The following PCNX1 variants were observed in gnomAD, a reference collection of about 807,000 sequenced individuals.
The protein encoded by PCNX1 is pecanex 1.
A neutral mutation model predicts 242.2 loss-of-function variants in PCNX1; 78 were observed. The observed-to-expected ratio is 0.32, with a 90% CI of 0.27 to 0.39. PCNX1 has a LOEUF of 0.39. PCNX1 is among the 10% of genes least tolerant of loss of function. PCNX1 has a pLI of 1.00. For missense variants in PCNX1, 2,581 were observed against 2,856.5 expected, an observed-to-expected ratio of 0.90 and a Z score of 2.20; for synonymous variants, 1,024 against 1,032.9, an observed-to-expected ratio of 0.99 and a Z score of 0.17.
At chr14:71,100,029 C>G (rs2062420834) in intron 30 of PCNX1, among the ~76,000 whole-genome samples, 1 of 151,838 alleles carries the variant, frequency 6.6e-6, no homozygotes, top group African/African-American at 2.4e-5. Flanking sequence ...CCTTGCAACT[C>G]TGTGTCTTTT....
chr14:70,993,662 T>C (rs1276626018), intron 7 of PCNX1, among the ~76,000 whole-genome samples: 2 of 152,222 alleles, frequency 1.3e-5, no homozygotes, highest in Admixed American at 6.5e-5. Context: ...AGCTGCCATA[T>C]GGCAACTTGG....
At chr14:71,038,576 G>T (rs1214518247) in intron 19 of PCNX1, among the ~76,000 whole-genome samples, 1 of 151,872 alleles carries the variant, frequency 6.6e-6, no homozygotes, top group Non-Finnish European at 1.5e-5. Flanking sequence ...CAGGAAACAG[G>T]TGCTGGAGAG....
intron 26 of PCNX1, among the ~76,000 whole-genome samples, chr14:71,067,690 G>T (rs932630220): frequency 6.6e-6 from 1 of 152,018 alleles, no homozygotes; most frequent in African/African-American, 2.4e-5. Flanking sequence ...TCTTTTAATT[G>T]TGATGTTAGG....
chr14:70,997,490 A>G (rs1049320318), intron 8 of PCNX1, among the ~76,000 whole-genome samples: 3 of 152,218 alleles, frequency 2.0e-5, no homozygotes, highest in Admixed American at 2.0e-4. Context: ...CCACATGCCA[A>G]TTATTGAAAA....
chr14:70,941,524 G>A (rs1157489619), intron 1 of PCNX1, among the ~76,000 whole-genome samples: 2 of 152,198 alleles, frequency 1.3e-5, no homozygotes, highest in Non-Finnish European at 2.9e-5. Context: ...GGCTGTATGA[G>A]GTGTCAGTCG....
intron 2 of PCNX1, among the ~76,000 whole-genome samples, chr14:70,961,557 T>G (rs1176392065): frequency 6.6e-6 from 1 of 152,234 alleles, no homozygotes; most frequent in East Asian, 1.9e-4. Context: ...TCCAGTGCTT[T>G]GAACCTAGTA....
At chr14:70,994,860 A>C (rs1289400257) in intron 7 of PCNX1, among the ~76,000 whole-genome samples, 1 of 135,732 alleles carries the variant, frequency 7.4e-6, no homozygotes, top group African/African-American at 2.8e-5. Flanking sequence ...ATTTGTATTA[A>C]AATTTCTAAT....
At chr14:71,003,763 G>A (rs888550461) in intron 8 of PCNX1, among the ~76,000 whole-genome samples, 12 of 152,194 alleles carry the variant, frequency 7.9e-5, no homozygotes, top group African/African-American at 1.4e-4. Context: ...AAATATATCA[G>A]TATGTAAATC....
intron 1 of PCNX1, among the ~76,000 whole-genome samples, chr14:70,927,143 C>T (rs1170565933): frequency 6.6e-6 from 1 of 152,140 alleles, no homozygotes; most frequent in Non-Finnish European, 1.5e-5. Context: ...TTGTCATTCT[C>T]CTAAGAAGCT....
At chr14:71,051,335 G>T (rs1036746061) in intron 23 of PCNX1, among the ~76,000 whole-genome samples, 13 of 151,932 alleles carry the variant, frequency 8.6e-5, no homozygotes, top group Non-Finnish European at 4.4e-5. Flanking sequence ...TCTTACATTT[G>T]CATATGTGAA....
chr14:71,071,735 A>G (rs2061591643), intron 26 of PCNX1, among the ~76,000 whole-genome samples: 2 of 152,208 alleles, frequency 1.3e-5, no homozygotes, highest in African/African-American at 4.8e-5. Context: ...CTTTACAGCA[A>G]CACAAGAATG....
At chr14:70,908,630 A>T (rs2055683236) in intron 1 of PCNX1, among the ~76,000 whole-genome samples, 1 of 151,964 alleles carries the variant, frequency 6.6e-6, no homozygotes, top group South Asian at 2.1e-4. Context: ...CCTCTAAAAA[A>T]CCGTTGTTGT....
rs148360959 is a variant in PCNX1, at chr14:70,989,239, TA to T, written c.2444+541del. Among the ~76,000 whole-genome samples, 1,353 of 152,022 alleles carry T rather than the reference TA, an allele frequency of 8.9e-3. 10 individuals carry two copies. The highest frequency in any genetic ancestry group is 0.012 in the Non-Finnish European group (840 of 67,970). ...GATCTGGTAAATGACAGAACTAACA[TA>T]CATAATTTATGTAAAGTGTGGTCAA... On this transcript the variant is annotated intron_variant, in intron 7 of 35. Transcript: ENST00000304743.
intron 1 of PCNX1, among the ~76,000 whole-genome samples, chr14:70,929,522 A>G (rs1344126180): frequency 1.3e-5 from 2 of 152,224 alleles, no homozygotes; most frequent in African/African-American, 4.8e-5. Context: ...GCTAATCATA[A>G]CTGTTACTAG....
chr14:71,022,797 G>C (rs1211825628), intron 12 of PCNX1, among the ~76,000 whole-genome samples: 3 of 152,078 alleles, frequency 2.0e-5, no homozygotes, highest in African/African-American at 7.2e-5. Context: ...GTTGTTATAA[G>C]TGAACCCCTA....
In PCNX1 at chr14:71,036,125, A is replaced by C; in HGVS notation, c.3835A>C (p.Ile1279Leu). The change falls in exon 19 of 36, where the codon ATT (isoleucine) becomes CTT (leucine). Residue 1279 changes from isoleucine to leucine, a missense_variant. Transcript: ENST00000304743. ...TGTAATTGGTGTGCTGTATTTTGCT[A>C]TTCATGTAAGCACAGTCTTCACAGT... ...CIVIGVLYFA[I>L]HVSTVFTVLQ... The C allele has an allele frequency of 6.2e-7, 1 of 1,606,482 alleles. No homozygotes were observed. The highest frequency in any genetic ancestry group is 8.5e-7 in the Non-Finnish European group (1 of 1,173,068).
chr14:71,039,597 G>A (rs541960258), intron 19 of PCNX1, among the ~76,000 whole-genome samples: 14 of 152,260 alleles, frequency 9.2e-5, no homozygotes, highest in African/African-American at 2.9e-4. Context: ...ACTAACCCTG[G>A]TACATTGTGA....
In PCNX1 at chr14:71,113,437, G is replaced by A. The variant is rs2062791898; in HGVS notation, c.*3502G>A. On this transcript the variant is annotated 3_prime_UTR_variant, in exon 36 of 36. Transcript: ENST00000304743. The stretch of plus-strand genomic sequence containing the variant: ...ATTAAGAAGATGTGTTTTTCTTTCT[G>A]AATTAGTTTATTTTTCCATCACATA... 1 of 152,624 alleles carries A rather than the reference G, an allele frequency of 6.6e-6. No homozygotes were observed. Among genetic ancestry groups the A allele is most frequent in the African/African-American group, 2.4e-5 (1 of 41,446 alleles). 9.5% of individuals were successfully genotyped at this position (152,624 alleles called of 1,614,324 possible).
At chr14:71,029,120 T>A (rs994410922) in intron 16 of PCNX1, among the ~76,000 whole-genome samples, 2 of 152,106 alleles carry the variant, frequency 1.3e-5, no homozygotes, top group Non-Finnish European at 2.9e-5. Flanking sequence ...AGTTAAGAAT[T>A]TAACTACTTT....
Sources: allele counts gnomAD v4.1 joint callset (sites outside exome capture counted in the v4.1 genomes callset), GRCh38; gene constraint gnomAD v4.1.1; transcripts MANE v1.5; gene names NCBI Gene and HGNC (gene_info 2026-07-23, HGNC 2026-07-21).